The following PIK3C2G variants were observed in gnomAD, a reference collection of about 807,000 sequenced individuals.
The protein encoded by PIK3C2G is phosphatidylinositol 3-kinase C2 domain-containing subunit gamma.
Under a neutral mutation model 181.1 loss-of-function variants are expected in PIK3C2G, and 168 were observed. That is an observed-to-expected ratio of 0.93 (90% confidence interval 0.82 to 1.05). The LOEUF (loss-of-function observed/expected upper bound fraction) is 1.05. Ranked by LOEUF, PIK3C2G falls within the 50% of genes least tolerant of loss-of-function variation. The pLI is 0.00. For synonymous variants in PIK3C2G, 573 were observed against 592.2 expected, an observed-to-expected ratio of 0.97 and a Z score of 0.47; for missense variants, 1,869 against 1,732.8, an observed-to-expected ratio of 1.08 and a Z score of -1.40.
Position 18,497,637 on chromosome 12 carries a change from C to T in PIK3C2G, c.2905C>T (p.Gln969Ter). ...TTAACAGGCTGGAGATGATCTTCGTCAGGATATGCTTGTTCTGCAGCTTAT... is the reference window on the plus strand; with the variant it reads ...TTAACAGGCTGGAGATGATCTTCGTTAGGATATGCTTGTTCTGCAGCTTAT... ...IIFKAGDDLR[Q>*]DMLVLQLIQV... The change falls in exon 22 of 33, where the codon CAG becomes TAG. Residue 969 changes from glutamine to a stop codon, truncating the protein, a stop_gained. Transcript: ENST00000538779. LOFTEE classifies it high-confidence loss of function. 1 of 1,612,004 alleles carries T rather than the reference C, an allele frequency of 6.2e-7. No individual in the cohort carries two copies.
At chr12:18,513,365 G>A (rs1194956910) in intron 24 of PIK3C2G, among the ~76,000 whole-genome samples, 1 of 127,880 alleles carries the variant, frequency 7.8e-6, no homozygotes, top group African/African-American at 2.9e-5. Context: ...AGTTTGAAAA[G>A]AATTGGTATT....
chr12:18,477,700 A>G (rs531540879), intron 18 of PIK3C2G, among the ~76,000 whole-genome samples: 14 of 152,334 alleles, frequency 9.2e-5, no homozygotes, highest in Non-Finnish European at 1.5e-4. Context: ...TCCAGATCTT[A>G]TGGATAATGT....
chr12:18,279,500 A>G (rs975798681), intron 1 of PIK3C2G, among the ~76,000 whole-genome samples: 1 of 152,046 alleles, frequency 6.6e-6, no homozygotes, highest in Non-Finnish European at 1.5e-5. Context: ...AAGGTTTTGA[A>G]AGCATCAAAA....
chr12:18,310,053 A>G (rs1310680139), intron 5 of PIK3C2G, among the ~76,000 whole-genome samples: 1 of 151,892 alleles, frequency 6.6e-6, no homozygotes, highest in African/African-American at 2.4e-5. Context: ...TGAAGTTGAA[A>G]TTTTTAAAAG....
At chr12:18,307,038 C>G (rs1046834393) in intron 5 of PIK3C2G, among the ~76,000 whole-genome samples, 1 of 148,808 alleles carries the variant, frequency 6.7e-6, no homozygotes, top group Admixed American at 6.8e-5. Context: ...GCGGCTAGGG[C>G]AATGAGAATC....
intron 32 of PIK3C2G, among the ~76,000 whole-genome samples, chr12:18,644,596 C>T (rs1950019173): frequency 6.6e-6 from 1 of 152,124 alleles, no homozygotes; most frequent in Admixed American, 6.6e-5. Flanking sequence ...AAGTATATGG[C>T]ACACTCAGTA....
At chr12:18,427,883 G>A (rs1437755807) in intron 18 of PIK3C2G, among the ~76,000 whole-genome samples, 3 of 152,118 alleles carry the variant, frequency 2.0e-5, no homozygotes, top group Non-Finnish European at 2.9e-5. Flanking sequence ...TGTTTTGAGA[G>A]CTTTGTTTGT....
intron 31 of PIK3C2G, among the ~76,000 whole-genome samples, chr12:18,636,431 A>T (rs1313594276): frequency 6.6e-6 from 1 of 152,096 alleles, no homozygotes; most frequent in Admixed American, 6.5e-5. Context: ...GGGTTTCTCC[A>T]TGTTGGTCAG....
chr12:18,676,522 A>C, the PIK3C2G span, among the ~76,000 whole-genome samples: 24 of 152,184 alleles, frequency 1.6e-4, no homozygotes, highest in Non-Finnish European at 2.8e-4. Flanking sequence ...CTCTCCTGTT[A>C]TCACTTACAT....
chr12:18,379,674 C>T (rs146650794), intron 13 of PIK3C2G, among the ~76,000 whole-genome samples: 31 of 152,262 alleles, frequency 2.0e-4, no homozygotes, highest in South Asian at 1.9e-3. Context: ...TTTAAGCTGA[C>T]GGATGCTTGT....
intron 18 of PIK3C2G, among the ~76,000 whole-genome samples, chr12:18,459,614 C>T (rs911074301): frequency 3.3e-5 from 5 of 152,192 alleles, no homozygotes; most frequent in Non-Finnish European, 7.3e-5. Context: ...ATTGGAAATA[C>T]ACTAGTTACA....
intron 29 of PIK3C2G, among the ~76,000 whole-genome samples, chr12:18,580,077 G>T (rs531724721): frequency 2.0e-5 from 3 of 150,924 alleles, no homozygotes; most frequent in Non-Finnish European, 1.5e-5. Flanking sequence ...AGGTTGCAGT[G>T]AGCCGAGTTC....
In PIK3C2G at chr12:18,282,745, C is replaced by A; in HGVS notation, c.664C>A (p.Gln222Lys). The A allele has an allele frequency of 6.3e-7, 1 of 1,598,438 alleles. No homozygotes were observed. Among genetic ancestry groups the A allele is most frequent in the Non-Finnish European group, 8.5e-7 (1 of 1,172,330 alleles). Residue 222 changes from glutamine to lysine, a missense_variant, in exon 2 of 33, where the codon CAG becomes AAG. By Grantham distance (53) the Gln-to-Lys change is moderately conservative. Coordinates refer to ENST00000538779, the MANE Select transcript of PIK3C2G (RefSeq NM_001288772.2). ...LQPGMWESTW[Q>K]KNIESIGCSI... ...ACCCGGAATGTGGGAAAGTACATGG[C>A]AGAAGAATATAGAGGTAAGTATAAT... is the stretch of plus-strand genomic sequence containing the variant.
chr12:18,419,990 T>A (rs1945388378), intron 16 of PIK3C2G, among the ~76,000 whole-genome samples: 1 of 152,186 alleles, frequency 6.6e-6, no homozygotes, highest in African/African-American at 2.4e-5. Flanking sequence ...CCTGACTGGT[T>A]GAAAAGCATT....
At chr12:18,553,096 C>T (rs1234333078) in intron 26 of PIK3C2G, among the ~76,000 whole-genome samples, 1 of 152,024 alleles carries the variant, frequency 6.6e-6, no homozygotes, top group African/African-American at 2.4e-5. Context: ...ATTGATATTT[C>T]TGACCCTACG....
intron 18 of PIK3C2G, among the ~76,000 whole-genome samples, chr12:18,458,974 AAT>A (rs1947776650): frequency 6.6e-6 from 1 of 152,150 alleles, no homozygotes; most frequent in Admixed American, 6.5e-5. Flanking sequence ...CCTTCAGATA[AAT>A]ATGAGTCTGG....
chr12:18,570,142 G>A (rs1945849204), intron 29 of PIK3C2G, among the ~76,000 whole-genome samples: 1 of 151,782 alleles, frequency 6.6e-6, no homozygotes, highest in Non-Finnish European at 1.5e-5. Context: ...ATGATCAACG[G>A]CTCTTCTCCT....
chr12:18,354,698 T>A (rs1940554845), intron 11 of PIK3C2G, among the ~76,000 whole-genome samples: 1 of 152,170 alleles, frequency 6.6e-6, no homozygotes, highest in South Asian at 2.1e-4. Flanking sequence ...GCATTTTTCC[T>A]CCAGATTTGG....
intron 30 of PIK3C2G, among the ~76,000 whole-genome samples, chr12:18,608,459 A>G (rs976961909): frequency 6.6e-6 from 1 of 151,404 alleles, no homozygotes; most frequent in Non-Finnish European, 1.5e-5. Context: ...TGGCAAGGAC[A>G]AAAGACCAAA....
Sources: allele counts gnomAD v4.1 joint callset (sites outside exome capture counted in the v4.1 genomes callset), GRCh38; gene constraint gnomAD v4.1.1; transcripts MANE v1.5; gene names NCBI Gene and HGNC (gene_info 2026-07-23, HGNC 2026-07-21).